Variants in GRM1 observed in about 807,000 individuals in gnomAD.
The protein encoded by GRM1 is glutamate metabotropic receptor 1.
Under a neutral mutation model 90.9 loss-of-function variants are expected in GRM1, and 33 were observed. The ratio of observed to expected loss-of-function variants is 0.36; its 90% CI spans 0.28 to 0.49. The LOEUF (loss-of-function observed/expected upper bound fraction) is 0.49. Among genes scored for constraint, GRM1 ranks in the 20% least tolerant of loss-of-function variants. The pLI, the probability that GRM1 is intolerant of heterozygous loss-of-function variation, is 0.99. For missense variants in GRM1, 1,190 were observed against 1,534.3 expected (o/e 0.78, Z 3.75); for synonymous variants, 700 against 613.2 (o/e 1.14, Z -2.09).
chr6:146,082,323 T>G (rs930632417), intron 1 of GRM1, among the ~76,000 whole-genome samples: 29 of 152,096 alleles, frequency 1.9e-4, no homozygotes, highest in African/African-American at 6.0e-4. Context: ...GCTGAATTAA[T>G]TTTTGTATTT....
chr6:146,282,752 A>G (rs1782618389), intron 2 of GRM1, among the ~76,000 whole-genome samples: 1 of 152,194 alleles, frequency 6.6e-6, no homozygotes, highest in Non-Finnish European at 1.5e-5. Context: ...AAAATGTAAT[A>G]AAAAAAGGAT....
intron 2 of GRM1, among the ~76,000 whole-genome samples, chr6:146,259,805 G>T (rs6570750): frequency 0.21 from 31,665 of 151,636 alleles, 7,304 homozygotes; most frequent in African/African-American, 0.58. Context: ...AGTTTTTCTG[G>T]ATATATAACC....
In GRM1 at chr6:146,048,609, C is replaced by G. The variant is rs558135853; in HGVS notation, c.700+18392C>G. ...ATATGAGCTTATTTGAAAATACGAG[C>G]TTTACAAAGGTGATTTAAATGGTAA... On this transcript the variant is annotated intron_variant, in intron 1 of 7. Transcript: ENST00000282753. 2.6e-5 allele frequency among the ~76,000 whole-genome samples: 4 copies of G among 151,982 alleles called. No individual in the cohort carries two copies. In the South Asian group the frequency reaches 8.3e-4, roughly 32 times the overall value.
rs775028484 is a variant in GRM1, at chr6:146,434,403, C to T, written c.3192C>T (p.Ser1064=). The T allele has an allele frequency of 2.5e-6, 4 of 1,613,292 alleles. No individual in the cohort carries two copies. The African/African-American group carries it at 4.0e-5, about 16-fold the overall frequency. Residue 1064 remains serine (S), a synonymous_variant, in exon 8 of 8, where the codon TCC becomes TCT. Coordinates refer to ENST00000282753, the MANE Select transcript of GRM1 (RefSeq NM_001278064.2). ...GTGGTCCCGGGAACGGGCTGCGGTCCCTGTACCCGCCCCCGCCACCTCCGC... is the reference window on the plus strand; with the variant it reads ...GTGGTCCCGGGAACGGGCTGCGGTCTCTGTACCCGCCCCCGCCACCTCCGC... The part of the protein sequence containing the change: ...GPGGPGNGLR[S]LYPPPPPPQH...
chr6:146,322,461 A>T (rs142061127), intron 3 of GRM1, among the ~76,000 whole-genome samples: 1,731 of 152,314 alleles, frequency 0.011, 72 homozygotes, highest in East Asian at 0.079. Context: ...GCTGGCAGGC[A>T]GGAAAGTTTA....
At chr6:146,083,079 T>G (rs928667511) in intron 1 of GRM1, among the ~76,000 whole-genome samples, 8 of 152,208 alleles carry the variant, frequency 5.3e-5, no homozygotes, top group Non-Finnish European at 7.3e-5. Context: ...TTTTTGCACA[T>G]TGATTTTGTA....
At chr6:146,098,134 AT>A (rs1173798335) in intron 1 of GRM1, among the ~76,000 whole-genome samples, 2 of 152,224 alleles carry the variant, frequency 1.3e-5, no homozygotes, top group African/African-American at 4.8e-5. Flanking sequence ...ATTTGACACC[AT>A]TGTACCAAAT....
Position 146,272,916 on chromosome 6 carries a change from A to G in GRM1, c.951-31695A>G, listed in dbSNP as rs188689145. Among the ~76,000 whole-genome samples, 3 of 152,330 alleles carry G rather than the reference A, an allele frequency of 2.0e-5. No homozygotes were observed. In the East Asian group the frequency reaches 5.8e-4, roughly 29 times the overall value. On this transcript the variant is annotated intron_variant, in intron 2 of 7. Transcript: ENST00000282753. The stretch of plus-strand genomic sequence containing the variant: ...AAAATAAGCAATCAGGAGCTCCTGA[A>G]GGCTTTTCAGCAAGAGTATGACTAT...
At chr6:146,111,659 T>C (rs1483511501) in intron 1 of GRM1, among the ~76,000 whole-genome samples, 1 of 152,174 alleles carries the variant, frequency 6.6e-6, no homozygotes, top group Non-Finnish European at 1.5e-5. Flanking sequence ...AGGCTTGAGA[T>C]AGCCTGGTTT....
At chr6:146,258,389 G>A (rs1260104786) in intron 2 of GRM1, among the ~76,000 whole-genome samples, 1 of 152,062 alleles carries the variant, frequency 6.6e-6, no homozygotes, top group Non-Finnish European at 1.5e-5. Context: ...TTTTTTCCTG[G>A]CACTTTGCCT....
chr6:146,433,217 A>G (rs1339790689), intron 7 of GRM1, among the ~76,000 whole-genome samples: 1 of 152,174 alleles, frequency 6.6e-6, no homozygotes, highest in Admixed American at 6.5e-5. Context: ...TAATGCATTG[A>G]AATGTTTTAA....
intron 2 of GRM1, among the ~76,000 whole-genome samples, chr6:146,186,498 G>T (rs1164581670): frequency 4.6e-5 from 7 of 152,024 alleles, no homozygotes; most frequent in Non-Finnish European, 5.9e-5. Flanking sequence ...GCAGCCAATA[G>T]CTACCTACAC....
chr6:146,039,836 A>G (rs1791030965), intron 1 of GRM1, among the ~76,000 whole-genome samples: 1 of 152,130 alleles, frequency 6.6e-6, no homozygotes, highest in East Asian at 1.9e-4. Context: ...AGAAGTCTAG[A>G]ATAAGCCGCA....
intron 3 of GRM1, among the ~76,000 whole-genome samples, chr6:146,306,299 T>A (rs1195011590): frequency 2.6e-5 from 4 of 152,108 alleles, no homozygotes; most frequent in African/African-American, 9.7e-5. Context: ...GAATAAGCAT[T>A]CTAATGAACC....
At chr6:146,266,892 C>A (rs1781909929) in intron 2 of GRM1, among the ~76,000 whole-genome samples, 1 of 152,152 alleles carries the variant, frequency 6.6e-6, no homozygotes, top group Non-Finnish European at 1.5e-5. Flanking sequence ...TAATTTCCAA[C>A]TTTTATGTTA....
intron 3 of GRM1, among the ~76,000 whole-genome samples, chr6:146,328,182 T>G (rs1784460708): frequency 1.3e-5 from 2 of 152,230 alleles, no homozygotes; most frequent in Admixed American, 1.3e-4. Context: ...TTTTCTGTAA[T>G]TGCAATCATT....
chr6:146,261,585 G>T (rs746889334), intron 2 of GRM1, among the ~76,000 whole-genome samples: 4 of 152,046 alleles, frequency 2.6e-5, no homozygotes, highest in Non-Finnish European at 5.9e-5. Flanking sequence ...ATTTAATTGA[G>T]AACTAGTTGG....
intron 2 of GRM1, among the ~76,000 whole-genome samples, chr6:146,166,029 G>A (rs201662690): frequency 1.5e-4 from 23 of 152,056 alleles, no homozygotes; most frequent in East Asian, 7.7e-4. Flanking sequence ...TGCTGTCTGC[G>A]TCTGTATGGC....
At chr6:146,045,749 C>CAAAAAAA (rs58055832) in intron 1 of GRM1, among the ~76,000 whole-genome samples, 36 of 87,404 alleles carry the variant, frequency 4.1e-4, no homozygotes, top group Non-Finnish European at 5.5e-4. Context: ...TGGAATACAG[C>CAAAAAAA]AAAAAAAAAA....
Sources: gnomAD v4.1 joint callset for allele counts (sites outside exome capture counted in the v4.1 genomes callset) on GRCh38, gnomAD v4.1.1 for gene constraint, MANE v1.5 for transcripts, NCBI Gene and HGNC (gene_info 2026-07-23, HGNC 2026-07-21) for gene names.